The following TNNI3K variants were observed in gnomAD, a reference collection of about 807,000 sequenced individuals.
TNNI3K encodes TNNI3 interacting kinase.
Under a neutral mutation model 114.5 loss-of-function variants are expected in TNNI3K, and 140 were observed. That is an observed-to-expected ratio of 1.22 (90% CI 1.07 to 1.41). The LOEUF (loss-of-function observed/expected upper bound fraction) is 1.41. Among genes scored for constraint, TNNI3K ranks in the 40% most tolerant of loss-of-function variants. The pLI, the probability that TNNI3K is intolerant of heterozygous loss-of-function variation, is 0.00. For missense variants in TNNI3K, 1,125 were observed against 1,007.6 expected (o/e 1.12, Z -1.58); for synonymous variants, 347 against 347.5 (o/e 1.00, Z 0.02).
chr1:74,335,741 T>C (rs1029985516), intron 6 of TNNI3K, among the ~76,000 whole-genome samples: 1 of 152,168 alleles, frequency 6.6e-6, no homozygotes, highest in African/African-American at 2.4e-5. Context: ...GAACTTCAGT[T>C]TGTAATGGCT....
chr1:74,296,345 G>T (rs1657984238), intron 5 of TNNI3K, among the ~76,000 whole-genome samples: 1 of 151,550 alleles, frequency 6.6e-6, no homozygotes, highest in African/African-American at 2.4e-5. Context: ...CCCAAACAGT[G>T]AAAGAGCTTT....
intron 5 of TNNI3K, among the ~76,000 whole-genome samples, chr1:74,312,607 G>T (rs1208767077): frequency 3.3e-5 from 5 of 152,158 alleles, no homozygotes; most frequent in African/African-American, 1.2e-4. Flanking sequence ...ATTTAATGAG[G>T]AGAGATTAAA....
At chr1:74,470,505 A>G (rs1019564598) in intron 21 of TNNI3K, 10 of 400,600 alleles carry the variant, frequency 2.5e-5, no homozygotes, top group Non-Finnish European at 3.5e-5. Flanking sequence ...CAGGAGAAGT[A>G]CTGATATCCT....
chr1:74,249,550 T>G lies in TNNI3K; in HGVS notation c.235+6T>G, dbSNP rs1377354945. On this transcript the variant is annotated splice_donor_region_variant and intron_variant, in intron 3 of 24. Coordinates refer to ENST00000326637, the MANE Select transcript of TNNI3K (RefSeq NM_015978.3). The stretch of plus-strand genomic sequence containing the variant: ...TTTATGTTGCATTTGTGGAGGTGAG[T>G]ACTTGAAACTTAGTACTTCTTAAAC... 1 of 1,612,970 alleles carries G rather than the reference T, an allele frequency of 6.2e-7. No homozygotes were observed. The highest frequency in any genetic ancestry group is 8.5e-7 in the Non-Finnish European group (1 of 1,179,512).
chr1:74,321,145 T>C (rs1659589669), intron 5 of TNNI3K, among the ~76,000 whole-genome samples: 3 of 152,174 alleles, frequency 2.0e-5, no homozygotes, highest in South Asian at 2.1e-4. Flanking sequence ...TCATGAACAT[T>C]GAAAGCCTGT....
intron 23 of TNNI3K, among the ~76,000 whole-genome samples, chr1:74,539,021 G>C (rs569426606): frequency 6.6e-6 from 1 of 152,190 alleles, no homozygotes; most frequent in South Asian, 2.1e-4. Flanking sequence ...ATTTTGAAAA[G>C]ATCACCCTAG....
intron 17 of TNNI3K, among the ~76,000 whole-genome samples, chr1:74,411,280 A>G (rs1032169609): frequency 6.6e-6 from 1 of 152,214 alleles, no homozygotes; most frequent in African/African-American, 2.4e-5. Context: ...ACTGCTAATT[A>G]TCATCATTAT....
intron 7 of TNNI3K, chr1:74,341,711 AACAAC>A (rs2100441617): frequency 6.6e-6 from 1 of 152,302 alleles, no homozygotes; most frequent in East Asian, 1.9e-4. Flanking sequence ...CACAGTGAGG[AACAAC>A]ATCCAGAATC....
At chr1:74,458,247 C>T (rs1024003422) in intron 20 of TNNI3K, among the ~76,000 whole-genome samples, 2 of 152,168 alleles carry the variant, frequency 1.3e-5, no homozygotes, top group African/African-American at 4.8e-5. Flanking sequence ...CTTAAATACT[C>T]AGGTTCTCTG....
intron 17 of TNNI3K, among the ~76,000 whole-genome samples, chr1:74,411,967 TTG>T (rs199745303): frequency 0.014 from 2,196 of 152,280 alleles, 52 homozygotes; most frequent in African/African-American, 0.05. Flanking sequence ...AGTTTACATA[TTG>T]TTCAATACAT....
intron 5 of TNNI3K, among the ~76,000 whole-genome samples, chr1:74,330,461 G>T (rs1660137214): frequency 6.6e-6 from 1 of 151,954 alleles, no homozygotes; most frequent in South Asian, 2.1e-4. Flanking sequence ...CCCCCAATTT[G>T]TTGCCAGTAG....
intron 19 of TNNI3K, among the ~76,000 whole-genome samples, chr1:74,437,842 A>C (rs1666205024): frequency 6.6e-6 from 1 of 151,798 alleles, no homozygotes; most frequent in Non-Finnish European, 1.5e-5. Context: ...AGAAATTATG[A>C]TTTTATTGGC....
intron 5 of TNNI3K, among the ~76,000 whole-genome samples, chr1:74,316,854 T>G (rs1659336481): frequency 5.8e-5 from 1 of 17,296 alleles, no homozygotes; most frequent in South Asian, 4.0e-3. Context: ...CACGCCCAGC[T>G]AATTTTTTTT....
chr1:74,357,650 A>G (rs1044824157), intron 11 of TNNI3K, among the ~76,000 whole-genome samples: 1 of 152,124 alleles, frequency 6.6e-6, no homozygotes, highest in Non-Finnish European at 1.5e-5. Flanking sequence ...ATCAAAATCA[A>G]TCTTGAAAAT....
At chr1:74,436,382 A>G in intron 18 of TNNI3K, 92 bp from the exon 19 acceptor site, 1 of 1,381,428 alleles carries the variant, frequency 7.2e-7, no homozygotes, top group Non-Finnish European at 9.7e-7. Context: ...AATAAGACAG[A>G]AGTCTCTTGA....
Position 74,271,689 on chromosome 1 carries a change from C to T in TNNI3K, c.425C>T (p.Thr142Ile). ...GGCCTCACTGCCCTCCATATTGCTA[C>T]AATAGCTGGCCACCTAGAGGTAAGT... ...YGGLTALHIA[T>I]IAGHLEAADV... The change falls in exon 5 of 25, where the codon ACA becomes ATA. Residue 142 changes from threonine to isoleucine, a missense_variant. Transcript: ENST00000326637. The T allele has an allele frequency of 6.2e-7, 1 of 1,607,600 alleles. No individual in the cohort carries two copies. Among genetic ancestry groups the T allele is most frequent in the South Asian group, 1.1e-5 (1 of 89,886 alleles).
intron 5 of TNNI3K, among the ~76,000 whole-genome samples, chr1:74,311,429 T>C (rs1658989108): frequency 6.6e-6 from 1 of 152,174 alleles, no homozygotes; most frequent in South Asian, 2.1e-4. Flanking sequence ...ATTCCAATTA[T>C]AAGTCCCCTT....
intron 23 of TNNI3K, among the ~76,000 whole-genome samples, chr1:74,525,129 A>G (rs192019100): frequency 1.3e-5 from 2 of 152,346 alleles, no homozygotes; most frequent in African/African-American, 2.4e-5. Context: ...TTGGGGAGAG[A>G]GAAGCTGAGG....
chr1:74,426,874 C>T (rs1665663193), intron 17 of TNNI3K, among the ~76,000 whole-genome samples: 1 of 152,028 alleles, frequency 6.6e-6, no homozygotes, highest in Admixed American at 6.6e-5. Flanking sequence ...CCACATTTCA[C>T]ATAGGCTGTA....
Sources: gnomAD v4.1 joint callset for allele counts (sites outside exome capture counted in the v4.1 genomes callset) on GRCh38, gnomAD v4.1.1 for gene constraint, MANE v1.5 for transcripts, NCBI Gene and HGNC (gene_info 2026-07-23, HGNC 2026-07-21) for gene names.